UNC13C: variants seen among roughly 807,000 people sequenced by gnomAD.
The protein encoded by UNC13C is protein unc-13 homolog C.
UNC13C carries 174 observed loss-of-function variants against 245.4 expected under a neutral mutation model. The observed-to-expected ratio is 0.71, with a 90% CI of 0.63 to 0.80. UNC13C has a LOEUF of 0.80. Among genes scored for constraint, UNC13C ranks in the 30% least tolerant of loss-of-function variants. UNC13C has a pLI of 0.00. For missense variants in UNC13C, 2,829 were observed against 2,602.9 expected (o/e 1.09, Z -1.89); for synonymous variants, 992 against 895.1 (o/e 1.11, Z -1.93).
At chr15:54,143,513 GGTGTTAC>G in intron 3 of UNC13C, 100 bp from the exon 4 acceptor site, 1 of 760,528 alleles carries the variant, frequency 1.3e-6, no homozygotes, top group South Asian at 1.7e-5. Flanking sequence ...TGTCATACTA[GGTGTTAC>G]GTGTGTAGTG....
intron 2 of UNC13C, among the ~76,000 whole-genome samples, chr15:54,020,848 G>A (rs1490814949): frequency 6.6e-6 from 1 of 151,672 alleles, no homozygotes; most frequent in African/African-American, 2.4e-5. Flanking sequence ...GACAACTTGG[G>A]GCTTTTTTTT....
At chr15:53,879,387 T>A in the UNC13C span, among the ~76,000 whole-genome samples, 1 of 152,110 alleles carries the variant, frequency 6.6e-6, no homozygotes, top group Non-Finnish European at 1.5e-5. Flanking sequence ...GGTCTGAAAC[T>A]CCTGGGCTCC....
At chr15:54,206,751 T>C (rs1187537183) in intron 4 of UNC13C, among the ~76,000 whole-genome samples, 1 of 152,124 alleles carries the variant, frequency 6.6e-6, no homozygotes, top group South Asian at 2.1e-4. Flanking sequence ...CTAATAGATA[T>C]ACTAAGAGTG....
intron 4 of UNC13C, among the ~76,000 whole-genome samples, chr15:54,178,286 A>G (rs1377731127): frequency 2.0e-5 from 3 of 151,900 alleles, no homozygotes; most frequent in Non-Finnish European, 2.9e-5. Context: ...CTCCCTCCCC[A>G]TATCTTCTCT....
chr15:53,885,230 C>T, the UNC13C span, among the ~76,000 whole-genome samples: 1 of 152,208 alleles, frequency 6.6e-6, no homozygotes, highest in African/African-American at 2.4e-5. Context: ...TCCTGCCTTT[C>T]TGTTTCCCAC....
chr15:54,225,228 G>T (rs7163335), intron 4 of UNC13C, among the ~76,000 whole-genome samples: 33,506 of 151,322 alleles, frequency 0.22, 5,910 homozygotes, highest in African/African-American at 0.48. Context: ...TAGTATAGTT[G>T]GAAGCTGGTT....
intron 17 of UNC13C, among the ~76,000 whole-genome samples, chr15:54,357,232 G>C (rs2039116817): frequency 1.3e-5 from 2 of 151,888 alleles, no homozygotes; most frequent in African/African-American, 4.8e-5. Flanking sequence ...TATATAAATT[G>C]TGATGAAAAC....
the UNC13C span, among the ~76,000 whole-genome samples, chr15:53,838,127 T>C: frequency 6.6e-6 from 1 of 152,248 alleles, no homozygotes; most frequent in South Asian, 2.1e-4. Flanking sequence ...AATATCTTGT[T>C]GGGATTTTAA....
chr15:54,258,212 T>C (rs184908071), intron 8 of UNC13C, among the ~76,000 whole-genome samples: 1 of 152,254 alleles, frequency 6.6e-6, no homozygotes, highest in East Asian at 1.9e-4. Context: ...CTCAAATTTC[T>C]TTTATCTTTA....
At chr15:54,299,840 ATACTT>A (rs2037530335) in intron 12 of UNC13C, among the ~76,000 whole-genome samples, 1 of 152,130 alleles carries the variant, frequency 6.6e-6, no homozygotes, top group Admixed American at 6.6e-5. Flanking sequence ...TGATTCTCAT[ATACTT>A]TAAAGTTTGA....
At chr15:54,243,739 T>A (rs2035920989) in intron 7 of UNC13C, among the ~76,000 whole-genome samples, 3 of 152,244 alleles carry the variant, frequency 2.0e-5, no homozygotes, top group Admixed American at 2.0e-4. Context: ...GATGTTGAGC[T>A]TCTTTTCATG....
At chr15:53,936,404 G>T in the UNC13C span, among the ~76,000 whole-genome samples, 2 of 152,200 alleles carry the variant, frequency 1.3e-5, no homozygotes, top group African/African-American at 4.8e-5. Context: ...GGGAGGAGGG[G>T]CAGCCACTGT....
At chr15:54,242,720 C>T (rs1033341245) in intron 7 of UNC13C, among the ~76,000 whole-genome samples, 16 of 152,242 alleles carry the variant, frequency 1.1e-4, no homozygotes, top group African/African-American at 3.1e-4. Flanking sequence ...ATTGCATATA[C>T]ACAAAGTAAT....
chr15:54,349,224 T>A (rs1014340033), intron 17 of UNC13C, among the ~76,000 whole-genome samples: 3 of 151,090 alleles, frequency 2.0e-5, no homozygotes, highest in Non-Finnish European at 4.4e-5. Flanking sequence ...ATATAAAATT[T>A]TACTTGTAAC....
At chr15:54,480,416 C>CTTTTTTTTTTT (rs58297037) in intron 19 of UNC13C, among the ~76,000 whole-genome samples, 1 of 142,512 alleles carries the variant, frequency 7.0e-6, no homozygotes, top group Non-Finnish European at 1.5e-5. Flanking sequence ...TTTTTTTACT[C>CTTTTTTTTTTT]TTTTTTTTTT....
intron 1 of UNC13C, among the ~76,000 whole-genome samples, chr15:53,981,754 A>C (rs898733786): frequency 6.6e-6 from 1 of 152,132 alleles, no homozygotes; most frequent in Admixed American, 6.6e-5. Flanking sequence ...TAGTCTTTTA[A>C]GGCATAGGAA....
At chr15:54,203,795 CAT>C (rs1255134491) in intron 4 of UNC13C, among the ~76,000 whole-genome samples, 2 of 106,230 alleles carry the variant, frequency 1.9e-5, no homozygotes, top group African/African-American at 3.1e-5. Flanking sequence ...TAGATATACA[CAT>C]GTGTATATGT....
At chr15:54,170,350 A>ATT (rs1216728095) in intron 4 of UNC13C, among the ~76,000 whole-genome samples, 1 of 152,144 alleles carries the variant, frequency 6.6e-6, no homozygotes, top group Admixed American at 6.5e-5. Context: ...CATTTAGCGT[A>ATT]TAGCACACAG....
chr15:54,045,190 TTTTA>T (rs1170108057), intron 2 of UNC13C, among the ~76,000 whole-genome samples: 1 of 152,078 alleles, frequency 6.6e-6, no homozygotes, highest in Admixed American at 6.6e-5. Flanking sequence ...CTTCTAAGAG[TTTTA>T]TTTAGTTTTC....
Sources: gnomAD v4.1 joint callset for allele counts (sites outside exome capture counted in the v4.1 genomes callset) on GRCh38, gnomAD v4.1.1 for gene constraint, MANE v1.5 for transcripts, NCBI Gene and HGNC (gene_info 2026-07-23, HGNC 2026-07-21) for gene names.